Variants in TRPM3 observed in about 807,000 individuals in gnomAD.
The protein encoded by TRPM3 is transient receptor potential cation channel subfamily M member 3, also known as long transient receptor potential channel 3.
TRPM3 carries 77 observed loss-of-function variants against 181.2 expected under a neutral mutation model. That is an observed-to-expected ratio of 0.42 (90% CI 0.35 to 0.51). TRPM3 has a LOEUF of 0.51. TRPM3 is among the 20% of genes least tolerant of loss of function. The probability of loss-of-function intolerance (pLI) is 0.01; values close to 1 mark genes in which losing one functional copy is unlikely to be tolerated. For synonymous variants in TRPM3, 745 were observed against 796.4 expected (o/e 0.94, Z 1.09); for missense variants, 1,759 against 2,196.7 (o/e 0.80, Z 3.98).
chr9:70,538,579 C>T (rs2042405694), intron 25 of TRPM3, among the ~76,000 whole-genome samples: 1 of 151,668 alleles, frequency 6.6e-6, no homozygotes, highest in Admixed American at 6.6e-5. Context: ...TAGGTGGATG[C>T]TACCATGCTA....
intron 1 of TRPM3, among the ~76,000 whole-genome samples, chr9:71,416,273 T>G (rs1318960936): frequency 6.6e-6 from 1 of 151,870 alleles, no homozygotes; most frequent in Non-Finnish European, 1.5e-5. Flanking sequence ...CCTTACAAAT[T>G]TTATAAAATA....
At chr9:70,898,670 C>T (rs1053706217) in intron 1 of TRPM3, among the ~76,000 whole-genome samples, 51 of 146,860 alleles carry the variant, frequency 3.5e-4, no homozygotes, top group African/African-American at 1.2e-3. Flanking sequence ...ATCTCTTGAA[C>T]CCGGGAGGTA....
At chr9:70,602,789 G>A (rs952437570) in intron 20 of TRPM3, among the ~76,000 whole-genome samples, 6 of 152,196 alleles carry the variant, frequency 3.9e-5, no homozygotes, top group Non-Finnish European at 8.8e-5. Flanking sequence ...AGAAAAGAGG[G>A]ACCCTGCACT....
chr9:71,237,211 GTGT>G (rs911362144), intron 1 of TRPM3, among the ~76,000 whole-genome samples: 2 of 152,310 alleles, frequency 1.3e-5, no homozygotes, highest in African/African-American at 4.8e-5. Flanking sequence ...TAATCAAGCT[GTGT>G]TGTTTTGATA....
At chr9:70,674,934 A>G (rs1189550681) in intron 9 of TRPM3, among the ~76,000 whole-genome samples, 1 of 151,794 alleles carries the variant, frequency 6.6e-6, no homozygotes, top group Non-Finnish European at 1.5e-5. Context: ...CTAAAGATAC[A>G]ATTGTACAAT....
chr9:71,340,363 T>C (rs952361482), intron 1 of TRPM3, among the ~76,000 whole-genome samples: 24 of 152,142 alleles, frequency 1.6e-4, no homozygotes, highest in Non-Finnish European at 3.4e-4. Flanking sequence ...GGTGAAATGG[T>C]TTGGCTGTGT....
intron 1 of TRPM3, among the ~76,000 whole-genome samples, chr9:71,099,048 T>C (rs2067823069): frequency 6.6e-6 from 1 of 152,176 alleles, no homozygotes; most frequent in African/African-American, 2.4e-5. Context: ...CAATATTAGC[T>C]GATGTCTTAG....
In TRPM3 at chr9:71,093,507, T is replaced by C. The variant is rs528673365; in HGVS notation, c.177+27671A>G. Among the ~76,000 whole-genome samples the C allele has an allele frequency of 3.7e-4, 56 of 152,230 alleles. 4 individuals are homozygous for C. In the South Asian group the frequency reaches 0.011, roughly 30 times the overall value. Reference sequence around the variant, plus strand: ...AAAAAATCTTATCAGCACTGGTCATTAGTGAAATACAAATCAAAACCGCAA... The same window carrying C: ...AAAAAATCTTATCAGCACTGGTCATCAGTGAAATACAAATCAAAACCGCAA... On this transcript the variant is annotated intron_variant, in intron 1 of 25. Transcript: ENST00000677713.
chr9:70,772,903 G>C (rs1302660274), intron 7 of TRPM3, among the ~76,000 whole-genome samples: 1 of 151,238 alleles, frequency 6.6e-6, no homozygotes, highest in Non-Finnish European at 1.5e-5. Context: ...CATTCCAAGT[G>C]CAATCCCATC....
At position 70,631,890 on chromosome 9, in the gene TRPM3, G is replaced by T. The variant is rs186615818; in HGVS notation, c.1632+3321C>A. 1.2e-4 allele frequency among the ~76,000 whole-genome samples: 19 copies of T among 152,262 alleles called. No homozygotes were observed. In the East Asian group the frequency reaches 3.7e-3, roughly 29 times the overall value. On this transcript the variant is annotated intron_variant, in intron 12 of 25. Transcript: ENST00000677713. ...ATGTCATGCTGATTGACTTATGATGGTCTGATAATTCCTCAATGCATTCCT... is the reference window on the plus strand; with the variant it reads ...ATGTCATGCTGATTGACTTATGATGTTCTGATAATTCCTCAATGCATTCCT...
rs190662744 is a variant in TRPM3 at position 70,950,369 on chromosome 9, T to C, written c.178-85858A>G. Among the ~76,000 whole-genome samples the C allele has an allele frequency of 4.5e-3, 689 of 152,280 alleles. 9 individuals carry two copies. The highest frequency in any genetic ancestry group is 0.014 in the Middle Eastern group (4 of 294). ...TTATTTTTCAAGTGGCCATAATGCA[T>C]TTTTGACTTGATCCATTAAACATAG... On this transcript the variant is annotated intron_variant, in intron 1 of 25. Transcript: ENST00000677713.
At chr9:70,800,811 T>G (rs4745042) in intron 6 of TRPM3, among the ~76,000 whole-genome samples, 24,834 of 152,168 alleles carry the variant, frequency 0.16, 2,484 homozygotes, top group South Asian at 0.28. Flanking sequence ...CAATAGTATT[T>G]TTTTTTGAGA....
Position 71,398,735 on chromosome 9 carries a change from G to A in TRPM3, c.183+47918C>T, listed in dbSNP as rs141176340. Among the ~76,000 whole-genome samples the A allele has an allele frequency of 9.1e-4, 138 of 152,226 alleles. 1 individual carries two copies. The highest frequency in any genetic ancestry group is 3.2e-3 in the African/African-American group (134 of 41,524). ...TTTCTTCATAAATTACCCAGTCTCA[G>A]GTAGTTCTTTATGGCAGTGTAAGAA... is the stretch of plus-strand genomic sequence containing the variant. On this transcript the variant is annotated intron_variant, in intron 1 of 24. Coordinates refer to the TRPM3 transcript ENST00000357533.
At chr9:71,301,125 G>A (rs1381698983) in intron 1 of TRPM3, among the ~76,000 whole-genome samples, 1 of 152,024 alleles carries the variant, frequency 6.6e-6, no homozygotes, top group Non-Finnish European at 1.5e-5. Flanking sequence ...CTGCCCTCAG[G>A]GAACTGTCTC....
chr9:71,224,031 C>A (rs1433326156), intron 1 of TRPM3, among the ~76,000 whole-genome samples: 2 of 152,120 alleles, frequency 1.3e-5, no homozygotes, highest in Non-Finnish European at 2.9e-5. Flanking sequence ...AGTCCTAGGG[C>A]TTTAAGTAAA....
chr9:70,782,392 A>G (rs867019320), intron 7 of TRPM3, among the ~76,000 whole-genome samples: 105 of 152,140 alleles, frequency 6.9e-4, no homozygotes, highest in African/African-American at 2.5e-3. Context: ...TTGTATTTTT[A>G]GTAGAGATGG....
intron 1 of TRPM3, among the ~76,000 whole-genome samples, chr9:71,270,656 A>G (rs1394542869): frequency 6.6e-6 from 1 of 152,162 alleles, no homozygotes; most frequent in East Asian, 1.9e-4. Flanking sequence ...AGGAAGAATG[A>G]TATCTTCCTA....
At chr9:70,958,912 C>A (rs1380306350) in intron 1 of TRPM3, among the ~76,000 whole-genome samples, 1 of 150,706 alleles carries the variant, frequency 6.6e-6, no homozygotes, top group South Asian at 2.1e-4. Flanking sequence ...GGACAAAAAA[C>A]CAAACACTGC....
chr9:70,940,362 C>T (rs1013535090), intron 1 of TRPM3, among the ~76,000 whole-genome samples: 3 of 152,114 alleles, frequency 2.0e-5, no homozygotes, highest in African/African-American at 7.2e-5. Context: ...CTTTATAGTT[C>T]TTTGAAAGTG....
Sources: allele counts gnomAD v4.1 joint callset (sites outside exome capture counted in the v4.1 genomes callset), GRCh38; gene constraint gnomAD v4.1.1; transcripts MANE v1.5; gene names NCBI Gene and HGNC (gene_info 2026-07-23, HGNC 2026-07-21).